Variants in DDX10 observed in about 807,000 individuals in gnomAD.
DDX10 encodes the protein DEAD-box helicase 10, also known as probable ATP-dependent RNA helicase DDX10.
Under a neutral mutation model 104.3 loss-of-function variants are expected in DDX10, and 74 were observed. The observed-to-expected ratio is 0.71, with a 90% CI of 0.59 to 0.86. The LOEUF is 0.86. Among genes scored for constraint, DDX10 ranks in the 40% least tolerant of loss-of-function variants. The probability of loss-of-function intolerance (pLI) is 0.00; values close to 1 mark genes in which losing one functional copy is unlikely to be tolerated. For missense variants in DDX10, 952 were observed against 1,040.0 expected (o/e 0.92, Z 1.16); for synonymous variants, 351 against 353.4 (o/e 0.99, Z 0.08).
At chr11:108,711,837 T>C (rs2094284862) in intron 10 of DDX10, among the ~76,000 whole-genome samples, 1 of 152,240 alleles carries the variant, frequency 6.6e-6, no homozygotes, top group Non-Finnish European at 1.5e-5. Flanking sequence ...TTGATGGTAT[T>C]GTTGAGTTCA....
intron 13 of DDX10, among the ~76,000 whole-genome samples, chr11:108,736,880 C>G (rs1348304326): frequency 6.6e-6 from 1 of 152,136 alleles, no homozygotes; most frequent in African/African-American, 2.4e-5. Flanking sequence ...GACAAGTTCT[C>G]TAGTTGAATT....
chr11:108,686,137 G>A (rs544543711), intron 6 of DDX10, among the ~76,000 whole-genome samples: 1 of 152,230 alleles, frequency 6.6e-6, no homozygotes, highest in East Asian at 1.9e-4. Flanking sequence ...TTGAAAGGAA[G>A]GTACAGAGAT....
chr11:108,697,224 CTTTT>C (rs5794600), intron 9 of DDX10, among the ~76,000 whole-genome samples: 455 of 121,480 alleles, frequency 3.7e-3, no homozygotes, highest in South Asian at 8.5e-3. Flanking sequence ...ATATATAATG[CTTTT>C]TTTTTTTTTT....
chr11:108,923,925 A>G (rs976549247), intron 17 of DDX10, among the ~76,000 whole-genome samples: 1 of 152,088 alleles, frequency 6.6e-6, no homozygotes, highest in African/African-American at 2.4e-5. Flanking sequence ...AGTGTCTTTA[A>G]CCGTATTCCG....
At chr11:108,842,028 T>G (rs1186683368) in intron 15 of DDX10, among the ~76,000 whole-genome samples, 1 of 152,174 alleles carries the variant, frequency 6.6e-6, no homozygotes, top group Non-Finnish European at 1.5e-5. Flanking sequence ...GTTTCCAGAT[T>G]CAACTTAATA....
At chr11:108,856,151 CGG>C (rs1262004644) in intron 16 of DDX10, among the ~76,000 whole-genome samples, 1 of 152,020 alleles carries the variant, frequency 6.6e-6, no homozygotes, top group African/African-American at 2.4e-5. Flanking sequence ...AACTCTAGGC[CGG>C]GCATGGTGGC....
chr11:108,873,315 C>A (rs576175290), intron 16 of DDX10, among the ~76,000 whole-genome samples: 10 of 152,218 alleles, frequency 6.6e-5, no homozygotes, highest in Non-Finnish European at 1.0e-4. Flanking sequence ...TGATATTTAT[C>A]AAAAATGAGT....
intron 13 of DDX10, among the ~76,000 whole-genome samples, chr11:108,772,682 G>A (rs1001876687): frequency 6.6e-6 from 1 of 152,228 alleles, no homozygotes; most frequent in Admixed American, 6.5e-5. Context: ...CACAGCAGAA[G>A]GTGAGCGGCC....
At chr11:108,882,204 C>A (rs574409933) in intron 16 of DDX10, among the ~76,000 whole-genome samples, 5 of 152,244 alleles carry the variant, frequency 3.3e-5, no homozygotes, top group African/African-American at 9.6e-5. Flanking sequence ...TCTCTGAAGT[C>A]ATTTTCTTGC....
intron 13 of DDX10, among the ~76,000 whole-genome samples, chr11:108,728,648 A>G (rs1222051784): frequency 6.6e-6 from 1 of 151,586 alleles, no homozygotes; most frequent in African/African-American, 2.4e-5. Flanking sequence ...CTGAGTAGCT[A>G]GGACTTCAGG....
intron 13 of DDX10, among the ~76,000 whole-genome samples, chr11:108,755,041 A>T (rs35754206): frequency 1.3e-5 from 2 of 151,956 alleles, no homozygotes; most frequent in Non-Finnish European, 2.9e-5. Context: ...TCGATGGGGA[A>T]TAAATGTGGG....
chr11:108,679,594 T>C (rs769192615), intron 6 of DDX10, 34 bp downstream of exon 6: 2 of 1,448,012 alleles, frequency 1.4e-6, no homozygotes, highest in African/African-American at 1.4e-5. Context: ...AGATAAATGT[T>C]TTTTACTTTT....
intron 16 of DDX10, among the ~76,000 whole-genome samples, chr11:108,872,486 TAA>T (rs1863096143): frequency 6.6e-6 from 1 of 152,202 alleles, no homozygotes; most frequent in Non-Finnish European, 1.5e-5. Flanking sequence ...GTGTAGTTTA[TAA>T]AAAGTATTTT....
At chr11:108,800,125 T>C (rs1861998439) in intron 13 of DDX10, among the ~76,000 whole-genome samples, 1 of 151,748 alleles carries the variant, frequency 6.6e-6, no homozygotes, top group Non-Finnish European at 1.5e-5. Context: ...TCCTTACTTA[T>C]TTTTACATTT....
At chr11:108,880,218 C>T (rs191721605) in intron 16 of DDX10, among the ~76,000 whole-genome samples, 10 of 152,248 alleles carry the variant, frequency 6.6e-5, no homozygotes, top group South Asian at 2.1e-4. Flanking sequence ...ATGGCCTTTC[C>T]TTTGTGCTTG....
At chr11:108,694,213 G>C (rs961333636) in intron 9 of DDX10, among the ~76,000 whole-genome samples, 1 of 152,242 alleles carries the variant, frequency 6.6e-6, no homozygotes, top group South Asian at 2.1e-4. Context: ...TTGACTGGGG[G>C]TAACTGAAAC....
chr11:108,928,444 C>T (rs1863935769), intron 17 of DDX10, among the ~76,000 whole-genome samples: 1 of 152,144 alleles, frequency 6.6e-6, no homozygotes, highest in South Asian at 2.1e-4. Context: ...GCCTTGCCCA[C>T]ATGCACCACT....
intron 13 of DDX10, among the ~76,000 whole-genome samples, chr11:108,742,672 A>G (rs2094326723): frequency 6.6e-6 from 1 of 152,206 alleles, no homozygotes; most frequent in Non-Finnish European, 1.5e-5. Flanking sequence ...TAAAAAGGAG[A>G]GAAGATACAA....
chr11:108,728,056 A>G (rs1020182640), intron 13 of DDX10, among the ~76,000 whole-genome samples: 1 of 152,140 alleles, frequency 6.6e-6, no homozygotes, highest in East Asian at 1.9e-4. Flanking sequence ...AAAGAAAAAA[A>G]AAACCCAGAA....
Sources: gnomAD v4.1 joint callset for allele counts (sites outside exome capture counted in the v4.1 genomes callset) on GRCh38, gnomAD v4.1.1 for gene constraint, MANE v1.5 for transcripts, NCBI Gene and HGNC (gene_info 2026-07-23, HGNC 2026-07-21) for gene names.